The following LEMD3 variants were observed in gnomAD, a reference collection of about 807,000 sequenced individuals.
LEMD3 encodes the protein inner nuclear membrane protein Man1.
In LEMD3, 33 loss-of-function variants were observed where a neutral mutation model predicts 95.2. That is an observed-to-expected ratio of 0.35 (90% confidence interval 0.26 to 0.46). The LOEUF is 0.46. Among genes scored for constraint, LEMD3 ranks in the 20% least tolerant of loss-of-function variants. The pLI is 1.00. For missense variants in LEMD3, 1,210 were observed against 1,192.8 expected, an observed-to-expected ratio of 1.01 and a Z score of -0.21; for synonymous variants, 525 against 474.6, an observed-to-expected ratio of 1.11 and a Z score of -1.38.
At chr12:65,200,258 G>A (rs1200060671) in intron 1 of LEMD3, among the ~76,000 whole-genome samples, 1 of 152,066 alleles carries the variant, frequency 6.6e-6, no homozygotes, top group Non-Finnish European at 1.5e-5. Flanking sequence ...GGTGTAACCA[G>A]GTAACCAGTG....
At chr12:65,189,683 C>T (rs1376050127) in intron 1 of LEMD3, among the ~76,000 whole-genome samples, 2 of 152,172 alleles carry the variant, frequency 1.3e-5, no homozygotes, top group African/African-American at 2.4e-5. Flanking sequence ...AAGATAATCA[C>T]AATAAGACTA....
intron 2 of LEMD3, among the ~76,000 whole-genome samples, chr12:65,213,080 G>C (rs1172472878): frequency 6.8e-6 from 1 of 146,286 alleles, no homozygotes; most frequent in African/African-American, 2.8e-5. Context: ...GACAGAGCAA[G>C]ACTGTAAAGA....
chr12:65,238,420 T>C (rs1870834683), intron 4 of LEMD3, 82 bp from the exon 5 acceptor site: 6 of 821,744 alleles, frequency 7.3e-6, no homozygotes, highest in Non-Finnish European at 1.2e-5. Context: ...AAAAATGTTA[T>C]ATAGAGTGTG....
chr12:65,187,602 T>TAA (rs1043855094), intron 1 of LEMD3, among the ~76,000 whole-genome samples: 10 of 147,594 alleles, frequency 6.8e-5, no homozygotes, highest in African/African-American at 2.2e-4. Context: ...TTCCCCCCTT[T>TAA]AAAAAAAAAA....
intron 1 of LEMD3, among the ~76,000 whole-genome samples, chr12:65,175,069 T>C (rs1374678034): frequency 3.9e-5 from 6 of 152,040 alleles, no homozygotes; most frequent in Admixed American, 3.9e-4. Flanking sequence ...CCAAAAAGAA[T>C]GGCCAGTGTT....
chr12:65,197,375 T>A (rs1268866139), intron 1 of LEMD3, among the ~76,000 whole-genome samples: 1 of 152,146 alleles, frequency 6.6e-6, no homozygotes, highest in Non-Finnish European at 1.5e-5. Context: ...AAGTAGAAGT[T>A]GTAGAAGTTA....
chr12:65,171,584 G>A (rs1010747984), intron 1 of LEMD3: 1 of 183,820 alleles, frequency 5.4e-6, no homozygotes, highest in East Asian at 1.3e-4. Flanking sequence ...GCATAAATTC[G>A]GATTAAATAT....
intron 4 of LEMD3, among the ~76,000 whole-genome samples, chr12:65,227,902 ATC>A (rs1870503408): frequency 6.6e-6 from 1 of 152,046 alleles, no homozygotes; most frequent in Admixed American, 6.6e-5. Flanking sequence ...CGACATAATC[ATC>A]TGTTTTTTTC....
At chr12:65,196,639 T>G (rs1319433586) in intron 1 of LEMD3, among the ~76,000 whole-genome samples, 1 of 152,112 alleles carries the variant, frequency 6.6e-6, no homozygotes, top group Non-Finnish European at 1.5e-5. Context: ...CTAGACCCAA[T>G]ATAGTCTCTG....
rs991107144 is a variant in LEMD3, at chr12:65,247,654, AC to A, written c.*1330del. ...TTGTCAGTCCAAATGAATATGTGAA[AC>A]AGCTGGAATTGTACAAATTTTGGTT... On this transcript the variant is annotated 3_prime_UTR_variant, in exon 13 of 13. Coordinates refer to ENST00000308330, the MANE Select transcript of LEMD3 (RefSeq NM_014319.5). 1.3e-5 allele frequency: 2 copies of A among 152,540 alleles called. No individual in the cohort carries two copies. Among genetic ancestry groups the A allele is most frequent in the African/African-American group, 4.8e-5 (2 of 41,450 alleles). The allele number at this position is 152,540 out of a possible 1,614,324, so 9.4% of individuals were successfully genotyped here.
chr12:65,245,585 A>AATATAT (rs1565801983), intron 10 of LEMD3, 84 bp from the exon 11 acceptor site: 14 of 890,924 alleles, frequency 1.6e-5, no homozygotes, highest in South Asian at 1.2e-4. Flanking sequence ...CAATTCTAGT[A>AATATAT]ATATATATAT....
chr12:65,238,376 C>A, intron 4 of LEMD3, 126 bp from the exon 5 acceptor site: 1 of 628,704 alleles, frequency 1.6e-6, no homozygotes, highest in South Asian at 2.1e-5. Context: ...TTAAAATTTT[C>A]TGTAATGAAT....
At chr12:65,185,000 ATGTG>A (rs1038157158) in intron 1 of LEMD3, among the ~76,000 whole-genome samples, 1 of 151,612 alleles carries the variant, frequency 6.6e-6, no homozygotes, top group African/African-American at 2.4e-5. Context: ...TTTGAAAGAG[ATGTG>A]TCTTGCTCTG....
At chr12:65,222,842 T>A (rs1229972539) in intron 4 of LEMD3, among the ~76,000 whole-genome samples, 4 of 152,060 alleles carry the variant, frequency 2.6e-5, no homozygotes, top group Non-Finnish European at 5.9e-5. Context: ...TTGTGTTTTT[T>A]ATTTTTTTAT....
Position 65,247,675 on chromosome 12 carries a change from T to G in LEMD3, c.*1350T>G, listed in dbSNP as rs939274916. The G allele has an allele frequency of 9.8e-5, 15 of 152,564 alleles. No individual in the cohort carries two copies. Among genetic ancestry groups the G allele is most frequent in the Non-Finnish European group, 1.5e-4 (10 of 68,008 alleles). 9.5% of individuals were successfully genotyped at this position (152,564 alleles called of 1,614,324 possible). A position where few individuals can be genotyped will look rare whatever the true frequency, so the allele number is the denominator to read the frequency against. ...TGAAACAGCTGGAATTGTACAAATT[T>G]TGGTTGTATTTAAAGCTCAGTTTCC... On this transcript the variant is annotated 3_prime_UTR_variant, in exon 13 of 13. Transcript: ENST00000308330.
intron 1 of LEMD3, among the ~76,000 whole-genome samples, chr12:65,185,246 C>CT (rs1035668571): frequency 1.3e-5 from 2 of 152,090 alleles, no homozygotes; most frequent in African/African-American, 4.8e-5. Flanking sequence ...ATGTGATTAT[C>CT]TTTAGTGAGG....
At chr12:65,180,797 G>A (rs1868877642) in intron 1 of LEMD3, among the ~76,000 whole-genome samples, 1 of 152,184 alleles carries the variant, frequency 6.6e-6, no homozygotes, top group Admixed American at 6.5e-5. Flanking sequence ...ACAAGGCTTG[G>A]TTGTAAAACT....
At chr12:65,192,555 C>T (rs924179941) in intron 1 of LEMD3, among the ~76,000 whole-genome samples, 1 of 152,022 alleles carries the variant, frequency 6.6e-6, no homozygotes, top group Admixed American at 6.6e-5. Flanking sequence ...TAACCAAAAA[C>T]ATGTCTTACT....
At position 65,243,448 on chromosome 12, in the gene LEMD3, G is replaced by A. The variant is rs749169259; in HGVS notation, c.2366G>A (p.Arg789Gln). Residue 789 changes from arginine to glutamine, a missense_variant, in exon 10 of 13, where the codon CGG becomes CAG. By Grantham distance (43) the Arg-to-Gln change is conservative. Coordinates refer to ENST00000308330, the MANE Select transcript of LEMD3 (RefSeq NM_014319.5). Reference sequence around the variant, plus strand: ...AGTTTGACACCGTGTCTAAAGATTCGGAATATGTTTGATCCCGTTATGTAA... The same window carrying A: ...AGTTTGACACCGTGTCTAAAGATTCAGAATATGTTTGATCCCGTTATGTAA... ...PNSLTPCLKI[R>Q]NMFDPVMEIG... 3.1e-6 allele frequency: 5 copies of A among 1,594,684 alleles called. No homozygotes were observed. The highest frequency in any genetic ancestry group is 1.3e-5 in the African/African-American group (1 of 74,594).
Sources: gnomAD v4.1 joint callset for allele counts (sites outside exome capture counted in the v4.1 genomes callset) on GRCh38, gnomAD v4.1.1 for gene constraint, MANE v1.5 for transcripts, NCBI Gene and HGNC (gene_info 2026-07-23, HGNC 2026-07-21) for gene names.